Variants in APPL2 observed in about 807,000 individuals in gnomAD.
APPL2 encodes the protein adaptor protein, phosphotyrosine interacting with PH domain and leucine zipper 2, also known as DCC-interacting protein 13-beta.
A neutral mutation model predicts 92.7 loss-of-function variants in APPL2; 84 were observed. The ratio of observed to expected loss-of-function variants is 0.91; its 90% CI spans 0.76 to 1.09. The LOEUF is 1.09. Ranked by LOEUF, APPL2 falls within the 50% of genes least tolerant of loss-of-function variation. The probability of loss-of-function intolerance (pLI) is 0.00; values close to 1 mark genes in which losing one functional copy is unlikely to be tolerated. For synonymous variants in APPL2, 291 were observed against 291.0 expected (o/e 1.00, Z 0.00); for missense variants, 736 against 824.5 (o/e 0.89, Z 1.31).
At chr12:105,194,907 T>A (rs1014987369) in intron 14 of APPL2, among the ~76,000 whole-genome samples, 2 of 152,212 alleles carry the variant, frequency 1.3e-5, no homozygotes, top group Non-Finnish European at 2.9e-5. Flanking sequence ...CCTTATTTTT[T>A]AAAAACATTT....
chr12:105,177,243 G>T lies in APPL2; in HGVS notation c.1654C>A (p.Gln552Lys), dbSNP rs1263764365. 1 of 1,613,828 alleles carries T rather than the reference G, an allele frequency of 6.2e-7. No homozygotes were observed. The highest frequency in any genetic ancestry group is 1.3e-5 in the African/African-American group (1 of 74,922). ...QSLRLIDPQT[Q>K]VSRANFELTS... ...GTACTTACATTGGCCCTTGATACTT[G>T]AGTCTGTGGATCTATCAACCTGAAA... is the stretch of plus-strand genomic sequence containing the variant. Residue 552 changes from glutamine to lysine, a missense_variant, in exon 18 of 21, where the codon CAA (glutamine) becomes AAA (lysine). Transcript: ENST00000258530.
At chr12:105,221,864 T>C (rs569829434) in intron 2 of APPL2, among the ~76,000 whole-genome samples, 1 of 152,360 alleles carries the variant, frequency 6.6e-6, no homozygotes, top group East Asian at 1.9e-4. Flanking sequence ...GGCAAAGGAA[T>C]GTTTATCTTT....
intron 9 of APPL2, among the ~76,000 whole-genome samples, chr12:105,200,567 C>A (rs1022116357): frequency 1.3e-5 from 2 of 152,142 alleles, no homozygotes; most frequent in Non-Finnish European, 2.9e-5. Context: ...TGAGCTAGAC[C>A]GCACCAGGCC....
At chr12:105,177,981 G>A (rs1885716512) in intron 17 of APPL2, among the ~76,000 whole-genome samples, 1 of 152,074 alleles carries the variant, frequency 6.6e-6, no homozygotes, top group South Asian at 2.1e-4. Context: ...AGTAGAAGTG[G>A]GGTTTCACCA....
Position 105,207,796 on chromosome 12 carries a change from T to C in APPL2, c.474+175A>G, listed in dbSNP as rs146208450. Among the ~76,000 whole-genome samples the C allele has an allele frequency of 1.6e-3, 241 of 151,960 alleles. 1 individual carries two copies. Among genetic ancestry groups the C allele is most frequent in the African/African-American group, 5.5e-3 (226 of 41,412 alleles). ...TGTTTAATAAACCAGTTTGAAAAGA[T>C]AGAATAGAGAAGTGGAGGTCTACTT... On this transcript the variant is annotated intron_variant, in intron 7 of 20. Coordinates refer to ENST00000258530, the MANE Select transcript of APPL2 (RefSeq NM_018171.5).
At chr12:105,217,874 A>C (rs1319876032) in intron 2 of APPL2, 149 bp from the exon 3 acceptor site, 1 of 654,708 alleles carries the variant, frequency 1.5e-6, no homozygotes, top group Non-Finnish European at 2.6e-6. Flanking sequence ...AGATTGAGGC[A>C]GGAAGATCAC....
intron 8 of APPL2, among the ~76,000 whole-genome samples, 160 bp from the exon 9 acceptor site, chr12:105,203,945 A>G (rs559913119): frequency 2.0e-5 from 3 of 152,234 alleles, no homozygotes; most frequent in Non-Finnish European, 4.4e-5. Context: ...CCTGAGCACT[A>G]TGCACTTTGA....
chr12:105,217,711 C>T lies in APPL2; in HGVS notation c.168G>A (p.Leu56=). Residue 56 remains leucine, a synonymous_variant, in exon 3 of 21, where the codon CTG becomes CTA. Coordinates refer to ENST00000258530, the MANE Select transcript of APPL2 (RefSeq NM_018171.5). ...RVYGAQNEMC[L]ATQQLSKQLL... The stretch of plus-strand genomic sequence containing the variant: ...GTTGCTTAGAAAGCTGTTGTGTGGC[C>T]AGGCACATCTCATTCTGTGGAGAGA... 6.2e-7 allele frequency: 1 copy of T among 1,613,850 alleles called. No individual in the cohort carries two copies. Among genetic ancestry groups the T allele is most frequent in the African/African-American group, 1.3e-5 (1 of 75,028 alleles).
chr12:105,199,807 CTTTT>C (rs934531134), intron 9 of APPL2, among the ~76,000 whole-genome samples: 1 of 151,380 alleles, frequency 6.6e-6, no homozygotes, highest in Admixed American at 6.6e-5. Context: ...GCTACACAGT[CTTTT>C]TTTTTGTTGT....
At chr12:105,221,210 G>A (rs1890074131) in intron 2 of APPL2, among the ~76,000 whole-genome samples, 1 of 152,204 alleles carries the variant, frequency 6.6e-6, no homozygotes, top group African/African-American at 2.4e-5. Context: ...AACAGGACTT[G>A]CAAAACTGGA....
At chr12:105,223,379 A>G (rs754888679) in intron 2 of APPL2, among the ~76,000 whole-genome samples, 2 of 152,212 alleles carry the variant, frequency 1.3e-5, no homozygotes, top group African/African-American at 4.8e-5. Context: ...GGGAGTGAAC[A>G]CAGACTCGCC....
At chr12:105,186,622 T>TATATCATATATATGATCTCG (rs1555248005) in intron 17 of APPL2, among the ~76,000 whole-genome samples, 1 of 125,678 alleles carries the variant, frequency 8.0e-6, no homozygotes, top group South Asian at 2.5e-4. Context: ...ATATCATATA[T>TATATCATATATATGATCTCG]ATATCATATA....
intron 17 of APPL2, among the ~76,000 whole-genome samples, chr12:105,187,402 G>A (rs920760594): frequency 2.6e-5 from 4 of 152,176 alleles, no homozygotes; most frequent in Non-Finnish European, 5.9e-5. Flanking sequence ...CATGACAACA[G>A]TGGAGGGTGT....
At chr12:105,174,739 A>G (rs1885330301) in intron 20 of APPL2, among the ~76,000 whole-genome samples, 1 of 151,526 alleles carries the variant, frequency 6.6e-6, no homozygotes, top group African/African-American at 2.4e-5. Context: ...CTATCTTTAA[A>G]CTCCTTCTTT....
At chr12:105,217,044 C>T (rs764021676) in intron 4 of APPL2, 25 bp downstream of exon 4, 3 of 1,528,358 alleles carry the variant, frequency 2.0e-6, no homozygotes, top group Non-Finnish European at 1.8e-6. Flanking sequence ...GAATCAAATA[C>T]AAATTTTCTA....
intron 1 of APPL2, among the ~76,000 whole-genome samples, chr12:105,232,922 T>G (rs1403414027): frequency 6.6e-6 from 1 of 152,158 alleles, no homozygotes; most frequent in African/African-American, 2.4e-5. Flanking sequence ...AAGGCCTGAT[T>G]TGGTTGGAGA....
chr12:105,195,769 C>G, intron 11 of APPL2, 142 bp from the exon 12 acceptor site: 1 of 890,108 alleles, frequency 1.1e-6, no homozygotes, highest in South Asian at 1.5e-5. Context: ...AAATGGGGTT[C>G]CAGGGCCAGG....
chr12:105,228,448 G>A (rs956180424), intron 2 of APPL2, among the ~76,000 whole-genome samples: 9 of 152,130 alleles, frequency 5.9e-5, no homozygotes, highest in African/African-American at 2.2e-4. Flanking sequence ...CAACACATAA[G>A]ATTTAAGTCA....
intron 17 of APPL2, among the ~76,000 whole-genome samples, chr12:105,182,094 G>A (rs1369240199): frequency 6.6e-6 from 1 of 152,030 alleles, no homozygotes; most frequent in Non-Finnish European, 1.5e-5. Context: ...GCATGATCTC[G>A]GCTCACTGCA....
Sources: allele counts gnomAD v4.1 joint callset (sites outside exome capture counted in the v4.1 genomes callset), GRCh38; gene constraint gnomAD v4.1.1; transcripts MANE v1.5; gene names NCBI Gene and HGNC (gene_info 2026-07-23, HGNC 2026-07-21).